The following SNX10 variants were observed in gnomAD, a reference collection of about 807,000 sequenced individuals.
SNX10 encodes sorting nexin-10.
A neutral mutation model predicts 28.5 loss-of-function variants in SNX10; 25 were observed. The observed-to-expected ratio is 0.88, with a 90% CI of 0.64 to 1.22. The LOEUF (loss-of-function observed/expected upper bound fraction) is 1.22, where lower values mean the gene tolerates loss of function less well. SNX10 is among the 50% of genes most tolerant of loss of function. The pLI, the probability that SNX10 is intolerant of heterozygous loss-of-function variation, is 0.00. For missense variants in SNX10, 223 were observed against 242.6 expected (o/e 0.92, Z 0.54); for synonymous variants, 62 against 81.4 (o/e 0.76, Z 1.28).
chr7:26,295,036 A>T (rs1786058149), intron 1 of SNX10, among the ~76,000 whole-genome samples: 1 of 152,194 alleles, frequency 6.6e-6, no homozygotes, highest in Admixed American at 6.6e-5. Context: ...TTTCTGCAGA[A>T]GAGATGCTTT....
At chr7:26,316,922 A>C (rs1787117491) in intron 1 of SNX10, among the ~76,000 whole-genome samples, 1 of 152,178 alleles carries the variant, frequency 6.6e-6, no homozygotes, top group African/African-American at 2.4e-5. Context: ...TTAAGATGCA[A>C]ATGTTAGATC....
At chr7:26,340,218 A>G (rs536181390) in intron 1 of SNX10, among the ~76,000 whole-genome samples, 4 of 152,316 alleles carry the variant, frequency 2.6e-5, no homozygotes, top group East Asian at 1.9e-4. Flanking sequence ...ATTAAGGTAT[A>G]GTATATATAA....
At chr7:26,305,740 C>A (rs989515425) in intron 1 of SNX10, among the ~76,000 whole-genome samples, 28 of 152,184 alleles carry the variant, frequency 1.8e-4, no homozygotes, top group Admixed American at 8.5e-4. Flanking sequence ...GGTTGGGAAA[C>A]CTTGAAAAAC....
chr7:26,329,707 G>T (rs1787657887), intron 1 of SNX10, among the ~76,000 whole-genome samples: 1 of 152,178 alleles, frequency 6.6e-6, no homozygotes, highest in Non-Finnish European at 1.5e-5. Context: ...AAGGCATCAG[G>T]CAATGATCAC....
chr7:26,350,970 A>C (rs749928564), intron 2 of SNX10, among the ~76,000 whole-genome samples: 14 of 151,970 alleles, frequency 9.2e-5, no homozygotes, highest in Non-Finnish European at 8.8e-5. Flanking sequence ...CTCTTCTTCC[A>C]GATTTTAAAA....
At chr7:26,340,477 T>C (rs1325333608) in intron 1 of SNX10, among the ~76,000 whole-genome samples, 1 of 152,252 alleles carries the variant, frequency 6.6e-6, no homozygotes, top group Non-Finnish European at 1.5e-5. Flanking sequence ...TAGAATTTTA[T>C]CTTTGCTTCA....
chr7:26,346,319 G>T, intron 1 of SNX10, 101 bp from the exon 2 acceptor site: 2 of 776,154 alleles, frequency 2.6e-6, no homozygotes, highest in Admixed American at 1.8e-5. Flanking sequence ...CTGTGGGGCG[G>T]GGGGGGCTCT....
chr7:26,372,440 G>C (rs1331949482), intron 6 of SNX10, 51 bp from the exon 7 acceptor site: 2 of 1,194,250 alleles, frequency 1.7e-6, no homozygotes, highest in Non-Finnish European at 2.5e-6. Context: ...TGAGTGTGTT[G>C]TGAAAACCAA....
intron 2 of SNX10, 47 bp from the exon 3 acceptor site, chr7:26,360,928 T>C (rs1462553126): frequency 1.3e-6 from 2 of 1,574,730 alleles, no homozygotes; most frequent in Non-Finnish European, 1.7e-6. Context: ...TTTCCAGTCC[T>C]ACTTGCAGTT....
intron 1 of SNX10, among the ~76,000 whole-genome samples, chr7:26,322,538 G>A (rs760752934): frequency 9.9e-5 from 15 of 152,174 alleles, no homozygotes; most frequent in African/African-American, 2.9e-4. Context: ...TTAGGAACCC[G>A]TGTCGTAAGT....
chr7:26,308,562 G>C (rs1451757020), intron 1 of SNX10, among the ~76,000 whole-genome samples: 1 of 152,206 alleles, frequency 6.6e-6, no homozygotes, highest in Non-Finnish European at 1.5e-5. Flanking sequence ...TGAACACGTG[G>C]AGGTTCCTGG....
intron 1 of SNX10, among the ~76,000 whole-genome samples, chr7:26,297,668 C>A (rs1489132131): frequency 6.6e-6 from 1 of 152,100 alleles, no homozygotes; most frequent in Non-Finnish European, 1.5e-5. Context: ...CTGCAGGAAA[C>A]AGATTTTTCA....
At chr7:26,310,172 G>A (rs1786765735) in intron 1 of SNX10, among the ~76,000 whole-genome samples, 1 of 152,208 alleles carries the variant, frequency 6.6e-6, no homozygotes, top group East Asian at 1.9e-4. Context: ...GGGCTCACAG[G>A]TGGGCTGGCC....
At chr7:26,324,745 A>C (rs1268188153) in intron 1 of SNX10, among the ~76,000 whole-genome samples, 1 of 152,170 alleles carries the variant, frequency 6.6e-6, no homozygotes, top group African/African-American at 2.4e-5. Context: ...TGTGATGACA[A>C]GAGAAAACCA....
chr7:26,299,791 G>C (rs899374785), intron 1 of SNX10, among the ~76,000 whole-genome samples: 4 of 152,166 alleles, frequency 2.6e-5, no homozygotes, highest in Non-Finnish European at 5.9e-5. Context: ...GCTGTGTGCA[G>C]TGGCTCACAC....
Position 26,371,812 on chromosome 7 carries a change from T to A in SNX10, c.312-9T>A. 1.3e-6 allele frequency: 2 copies of A among 1,585,860 alleles called. No homozygotes were observed. The highest frequency in any genetic ancestry group is 1.7e-6 in the Non-Finnish European group (2 of 1,164,094). On this transcript the variant is annotated splice_polypyrimidine_tract_variant and intron_variant, in intron 5 of 6. Transcript: ENST00000338523. ...TCACCAATTATTTTTCCTTTTTTTT[T>A]TAATATAGAGTCCTACAGAATGCAC...
chr7:26,304,644 GTTGT>G (rs1341029649), intron 1 of SNX10, among the ~76,000 whole-genome samples: 1 of 151,988 alleles, frequency 6.6e-6, no homozygotes, highest in Non-Finnish European at 1.5e-5. Context: ...ATCAACTGCA[GTTGT>G]TTGTTTCAGT....
At chr7:26,323,390 G>A (rs914386638) in intron 1 of SNX10, among the ~76,000 whole-genome samples, 5 of 152,164 alleles carry the variant, frequency 3.3e-5, no homozygotes, top group Non-Finnish European at 5.9e-5. Context: ...AACAGTCTAG[G>A]GAAAAAGCAT....
At chr7:26,294,908 G>A (rs1309027605) in intron 1 of SNX10, among the ~76,000 whole-genome samples, 1 of 152,214 alleles carries the variant, frequency 6.6e-6, no homozygotes, top group Non-Finnish European at 1.5e-5. Context: ...TCTGGAATCA[G>A]TAGTAACTCT....
Sources: gnomAD v4.1 joint callset for allele counts (sites outside exome capture counted in the v4.1 genomes callset) on GRCh38, gnomAD v4.1.1 for gene constraint, MANE v1.5 for transcripts, NCBI Gene and HGNC (gene_info 2026-07-23, HGNC 2026-07-21) for gene names.